Variants in SYNPO2 observed in about 807,000 individuals in gnomAD.
SYNPO2 encodes the protein synaptopodin 2, also known as synaptopodin-2.
SYNPO2 carries 56 observed loss-of-function variants against 85.0 expected under a neutral mutation model. The ratio of observed to expected loss-of-function variants is 0.66; its 90% CI spans 0.53 to 0.82. The LOEUF is 0.82. Among genes scored for constraint, SYNPO2 ranks in the 40% least tolerant of loss-of-function variants. SYNPO2 has a pLI of 0.00. For missense variants in SYNPO2, 1,575 were observed against 1,534.2 expected (o/e 1.03, Z -0.44); for synonymous variants, 602 against 591.1 (o/e 1.02, Z -0.27).
intron 1 of SYNPO2, among the ~76,000 whole-genome samples, chr4:118,872,869 TATGTCC>T (rs148380456): frequency 0.15 from 22,575 of 152,052 alleles, 1,728 homozygotes; most frequent in East Asian, 0.2. Flanking sequence ...TTCCACACTT[TATGTCC>T]ATGTGTACAC....
At chr4:118,901,738 C>A (rs573001399) in intron 1 of SYNPO2, among the ~76,000 whole-genome samples, 2 of 152,060 alleles carry the variant, frequency 1.3e-5, no homozygotes, top group Non-Finnish European at 2.9e-5. Flanking sequence ...GACGAGAAAC[C>A]CTCCACCCTG....
At chr4:118,855,365 ATAAT>A (rs1222521219) in intron 1 of SYNPO2, among the ~76,000 whole-genome samples, 12 of 152,170 alleles carry the variant, frequency 7.9e-5, no homozygotes, top group African/African-American at 2.9e-4. Context: ...ATTTATTGAA[ATAAT>A]TACTCTCAAT....
chr4:118,879,377 T>C (rs1194717114), intron 1 of SYNPO2, among the ~76,000 whole-genome samples: 1 of 152,192 alleles, frequency 6.6e-6, no homozygotes, highest in Non-Finnish European at 1.5e-5. Flanking sequence ...TGTTGAATCC[T>C]AAATCCCCAG....
At chr4:118,991,831 G>A (rs947290777) in intron 1 of SYNPO2, among the ~76,000 whole-genome samples, 1 of 152,156 alleles carries the variant, frequency 6.6e-6, no homozygotes, top group African/African-American at 2.4e-5. Context: ...GTGAGAGGAG[G>A]AGCATTGTAA....
chr4:118,903,367 G>A (rs1016246058), intron 1 of SYNPO2, among the ~76,000 whole-genome samples: 5 of 152,104 alleles, frequency 3.3e-5, no homozygotes, highest in African/African-American at 1.2e-4. Flanking sequence ...ATGCAGTAAA[G>A]GGGTTTGTCG....
intron 1 of SYNPO2, among the ~76,000 whole-genome samples, chr4:118,984,895 T>A: frequency 6.6e-6 from 1 of 152,232 alleles, no homozygotes; most frequent in East Asian, 1.9e-4. Context: ...CACTGAGAAA[T>A]CCAAAATTAG....
At chr4:119,029,504 T>C (rs1039530738) in intron 3 of SYNPO2, among the ~76,000 whole-genome samples, 10 of 152,148 alleles carry the variant, frequency 6.6e-5, no homozygotes, top group Admixed American at 2.0e-4. Flanking sequence ...TTAAATTATG[T>C]CCTTCTTAAT....
intron 1 of SYNPO2, among the ~76,000 whole-genome samples, chr4:119,000,802 A>G (rs1283900162): frequency 6.6e-6 from 1 of 152,212 alleles, no homozygotes; most frequent in Non-Finnish European, 1.5e-5. Context: ...TTAGAATTCA[A>G]TTATGTCATT....
At chr4:118,907,744 A>G (rs866655806) in intron 1 of SYNPO2, among the ~76,000 whole-genome samples, 3 of 152,232 alleles carry the variant, frequency 2.0e-5, no homozygotes, top group Non-Finnish European at 2.9e-5. Flanking sequence ...AGTAATTCAA[A>G]CATTACAGAA....
At position 119,030,053 on chromosome 4, in the gene SYNPO2, A is replaced by T. The variant is rs147021853; in HGVS notation, c.1278A>T (p.Glu426Asp). 3.7e-6 allele frequency: 6 copies of T among 1,614,154 alleles called. No individual in the cohort carries two copies. Among genetic ancestry groups the T allele is most frequent in the Non-Finnish European group, 5.1e-6 (6 of 1,180,034 alleles). The change falls in exon 4 of 5, where the codon GAA (glutamate) becomes GAT (aspartate). Residue 426 changes from glutamate to aspartate, a missense_variant. Glu to Asp is a conservative substitution (Grantham distance 45, BLOSUM62 2). This residue lies in a region of SYNPO2 where 1,508 missense variants were observed against 1,446.8 expected (regional missense o/e 1.04). Coordinates refer to ENST00000307142, the MANE Select transcript of SYNPO2 (RefSeq NM_133477.3). Reference sequence around the variant, plus strand: ...AGCGAGAGGCGGACGAGGAGGAAGAAGGTGACAAGGAGGATACATGTGAAG... The same window carrying T: ...AGCGAGAGGCGGACGAGGAGGAAGATGGTGACAAGGAGGATACATGTGAAG... ...ELEREADEEE[E>D]GDKEDTCEVA...
intron 4 of SYNPO2, chr4:119,037,890 C>G (rs979151279): frequency 5.5e-6 from 1 of 180,686 alleles, no homozygotes; most frequent in Non-Finnish European, 1.1e-5. Context: ...AAAGATCATA[C>G]GATGTTAAGT....
chr4:118,965,994 G>T (rs1349779599), intron 1 of SYNPO2, among the ~76,000 whole-genome samples: 1 of 152,038 alleles, frequency 6.6e-6, no homozygotes, highest in Non-Finnish European at 1.5e-5. Context: ...GGTTGAAGTT[G>T]CTGTGAGCCA....
chr4:118,991,091 C>T (rs919962413), intron 1 of SYNPO2, among the ~76,000 whole-genome samples: 10 of 152,102 alleles, frequency 6.6e-5, no homozygotes, highest in African/African-American at 2.4e-4. Flanking sequence ...TTCAACTTCC[C>T]GGGCCTAGTT....
chr4:118,974,595 A>G (rs1735653969), intron 1 of SYNPO2, among the ~76,000 whole-genome samples: 1 of 152,254 alleles, frequency 6.6e-6, no homozygotes, highest in African/African-American at 2.4e-5. Flanking sequence ...TTGCTTGGAT[A>G]CTTGCTAGCA....
intron 1 of SYNPO2, among the ~76,000 whole-genome samples, chr4:119,015,592 A>G (rs1319904552): frequency 2.6e-5 from 4 of 152,182 alleles, no homozygotes; most frequent in Admixed American, 1.3e-4. Flanking sequence ...CCTTTACTTT[A>G]TTAATGCAGA....
intron 1 of SYNPO2, among the ~76,000 whole-genome samples, chr4:118,990,605 T>TTTTGTTTG (rs59494491): frequency 0.022 from 3,371 of 151,856 alleles, 128 homozygotes; most frequent in African/African-American, 0.077. Context: ...GATAATTGGT[T>TTTTGTTTG]TTTGTTTGTT....
intron 1 of SYNPO2, among the ~76,000 whole-genome samples, chr4:118,959,889 T>C (rs1247374759): frequency 6.6e-6 from 1 of 152,200 alleles, no homozygotes; most frequent in African/African-American, 2.4e-5. Flanking sequence ...TCCTGGAACC[T>C]GTGAGTGTTA....
chr4:118,864,405 T>C (rs1024958338), intron 1 of SYNPO2, among the ~76,000 whole-genome samples: 1 of 152,350 alleles, frequency 6.6e-6, no homozygotes, highest in South Asian at 2.1e-4. Context: ...GAAAAGAATG[T>C]GTATTCTGCA....
At position 118,961,820 on chromosome 4, in the gene SYNPO2, C is replaced by A. The variant is rs188970925; in HGVS notation, c.106-61610C>A. ...TAAGTATTCCTAAAATGTTTGGTGCCAAGAGTGATGCAATGTATCACCAGG... is the reference window on the plus strand; with the variant it reads ...TAAGTATTCCTAAAATGTTTGGTGCAAAGAGTGATGCAATGTATCACCAGG... On this transcript the variant is annotated intron_variant, in intron 1 of 4. Coordinates refer to ENST00000307142, the MANE Select transcript of SYNPO2 (RefSeq NM_133477.3). Among the ~76,000 whole-genome samples, 332 of 152,202 alleles carry A rather than the reference C, an allele frequency of 2.2e-3. 6 individuals are homozygous for A. The highest frequency in any genetic ancestry group is 8.5e-3 in the East Asian group (44 of 5,182).
Sources: gnomAD v4.1 joint callset for allele counts (sites outside exome capture counted in the v4.1 genomes callset) on GRCh38, gnomAD v4.1.1 for gene constraint, gnomAD v4.1.1 regional missense constraint, MANE v1.5 for transcripts, NCBI Gene and HGNC (gene_info 2026-07-23, HGNC 2026-07-21) for gene names.